The following PORCN variants were observed in gnomAD, a reference collection of about 807,000 sequenced individuals.
PORCN encodes protein-serine O-palmitoleoyltransferase porcupine.
A neutral mutation model predicts 43.0 loss-of-function variants in PORCN; 1 was observed. The ratio of observed to expected loss-of-function variants is 0.02; its 90% CI spans 0.01 to 0.11. The LOEUF (loss-of-function observed/expected upper bound fraction) is 0.11, where lower values mean the gene tolerates loss of function less well. Among genes scored for constraint, PORCN ranks in the 10% least tolerant of loss-of-function variants. The pLI is 1.00. For synonymous variants in PORCN, 148 were observed against 166.4 expected, an observed-to-expected ratio of 0.89 and a Z score of 0.85; for missense variants, 240 against 392.1, an observed-to-expected ratio of 0.61 and a Z score of 3.28.
intron 13 of PORCN, 88 bp downstream of exon 13, chrX:48,516,234 C>T (rs2061716497): frequency 1.1e-6 from 1 of 886,072 alleles, no homozygotes; most frequent in East Asian, 3.3e-5. Context: ...TCTCAGGGTG[C>T]CCACCTTCTT....
intron 7 of PORCN, 89 bp downstream of exon 7, chrX:48,512,941 T>C (rs1267670656): frequency 2.7e-6 from 3 of 1,100,090 alleles, no homozygotes; most frequent in Middle Eastern, 2.5e-4. Flanking sequence ...TGTGTCCAAG[T>C]GTGTCTGACC....
At position 48,520,575 on chromosome X, in the gene PORCN, C is replaced by T. The variant is rs1456571147; in HGVS notation, c.*99C>T. On this transcript the variant is annotated 3_prime_UTR_variant, in exon 15 of 15. Coordinates refer to ENST00000326194, the MANE Select transcript of PORCN (RefSeq NM_203475.3). Reference sequence around the variant, plus strand: ...CCTCTCTCTACTCCTTGACCCCCTCCATCCTTGACCCCCAACACCTCAACA... The same window carrying T: ...CCTCTCTCTACTCCTTGACCCCCTCTATCCTTGACCCCCAACACCTCAACA... 4 of 573,120 alleles carry T rather than the reference C, an allele frequency of 7.0e-6. No homozygotes were observed. The African/African-American group carries it at 9.1e-5, about 13-fold the overall frequency. The allele number at this position is 573,120 out of a possible 1,213,427, so 47.2% of individuals were successfully genotyped here. A position where few individuals can be genotyped will look rare whatever the true frequency, so the allele number is the denominator to read the frequency against.
At position 48,512,502 on chromosome X, in the gene PORCN, C is replaced by G; in HGVS notation, c.550C>G (p.Pro184Ala). The G allele has an allele frequency of 8.3e-7, 1 of 1,206,779 alleles. No individual in the cohort carries two copies. The highest frequency in any genetic ancestry group is 1.1e-6 in the Non-Finnish European group (1 of 892,934). The change falls in exon 5 of 15, where the codon CCA becomes GCA. Residue 184 changes from proline to alanine, a missense_variant. Transcript: ENST00000326194. ...CTACCTACAAGCTGTCCAAGGCCGCCCACTGGTGAGGTCCTGAGTGGATGG... is the reference window on the plus strand; with the variant it reads ...CTACCTACAAGCTGTCCAAGGCCGCGCACTGGTGAGGTCCTGAGTGGATGG... ...HSYLQAVQGR[P>A]LSCRWLQKVA...
At position 48,517,311 on chromosome X, in the gene PORCN, G is replaced by T; in HGVS notation, c.1284+18G>T. ...AGGAGCAGGTGAGGTGGGGCCCTGG[G>T]CTGTGTGGTTAACCAAGGGTGGCGC... On this transcript the variant is annotated intron_variant, in intron 14 of 14. Transcript: ENST00000326194. 9.2e-7 allele frequency: 1 copy of T among 1,084,081 alleles called. No individual in the cohort carries two copies. The allele number at this position is 1,084,081 out of a possible 1,213,427, so 89.3% of individuals were successfully genotyped here.
intron 1 of PORCN, chrX:48,509,564 C>T (rs1556973411): frequency 9.1e-7 from 1 of 1,098,864 alleles, no homozygotes; most frequent in East Asian, 3.9e-5. Context: ...TTCATTCACT[C>T]CAGGTCACAG....
chrX:48,514,266 T>C lies in PORCN; in HGVS notation c.746T>C (p.Val249Ala). 8.3e-7 allele frequency: 1 copy of C among 1,211,868 alleles called. No homozygotes were observed. The highest frequency in any genetic ancestry group is 3.0e-5 in the East Asian group (1 of 33,832). ...VRWLRAYESA[V>A]SFHFSNYFVG... ...TGGCTGCGAGCCTACGAGAGTGCTG[T>C]CTCCTTCCACTTCAGCAACTATTTT... Residue 249 changes from valine to alanine, a missense_variant, in exon 9 of 15, where the codon GTC (valine) becomes GCC (alanine). Physicochemically the swap from Val to Ala is moderately conservative, Grantham distance 64. Transcript: ENST00000326194.
At position 48,509,512 on chromosome X, in the gene PORCN, C is replaced by T. The variant is rs1556973382; in HGVS notation, c.-37-272C>T. 2.3e-5 allele frequency: 24 copies of T among 1,024,610 alleles called. No homozygotes were observed. In the South Asian group the frequency reaches 4.7e-4, roughly 20 times the overall value. The allele number at this position is 1,024,610 out of a possible 1,213,427, so 84.4% of individuals were successfully genotyped here. Reference sequence around the variant, plus strand: ...CCTGAAATGTATGCCATCCCATCACCATCGGACTGGACTGTTCACAGCACT... The same window carrying T: ...CCTGAAATGTATGCCATCCCATCACTATCGGACTGGACTGTTCACAGCACT... On this transcript the variant is annotated intron_variant, in intron 1 of 14. Transcript: ENST00000326194.
intron 14 of PORCN, 52 bp downstream of exon 14, chrX:48,517,345 G>A (rs782409931): frequency 1.4e-4 from 125 of 890,064 alleles, no homozygotes; most frequent in South Asian, 5.3e-4. Context: ...GCTATCTGGC[G>A]GGGGGAAACC....
At chrX:48,519,379 G>A (rs190968081) in intron 14 of PORCN, among the ~76,000 whole-genome samples, 5 of 112,646 alleles carry the variant, frequency 4.4e-5, no homozygotes. Flanking sequence ...GAATGATACT[G>A]TTCTGCAATT....
intron 13 of PORCN, 114 bp from the exon 14 acceptor site, chrX:48,517,069 C>T (rs12848026): frequency 3.0e-5 from 17 of 566,253 alleles, no homozygotes; most frequent in Non-Finnish European, 4.8e-5. Context: ...CCCTGGGCAT[C>T]CTCAGTCCTG....
At chrX:48,509,736 AGGTCTGCCCCAC>A (rs1556973454) in intron 1 of PORCN, 36 bp from the exon 2 acceptor site, 1 of 1,178,008 alleles carries the variant, frequency 8.5e-7, no homozygotes, top group Non-Finnish European at 1.1e-6. Flanking sequence ...CCTTTAAGCG[AGGTCTGCCCCAC>A]GGACACCCGC....
Position 48,512,605 on chromosome X carries a change from A to G in PORCN, c.572A>G (p.Gln191Arg). ...TCCCTACAGAGCTGCCGGTGGCTGC[A>G]GAAGGTGGCCCGGAGCCTGGCACTG... is the stretch of plus-strand genomic sequence containing the variant. ...QGRPLSCRWL[Q>R]KVARSLALAL... The change falls in exon 6 of 15, where the codon CAG becomes CGG. Residue 191 changes from glutamine to arginine, a missense_variant. By Grantham distance (43) the Gln-to-Arg change is conservative. Transcript: ENST00000326194. 8.3e-7 allele frequency: 1 copy of G among 1,211,134 alleles called. No individual in the cohort carries two copies. Among genetic ancestry groups the G allele is most frequent in the East Asian group, 3.0e-5 (1 of 33,803 alleles).
intron 7 of PORCN, among the ~76,000 whole-genome samples, chrX:48,513,212 G>A (rs2147126282): frequency 8.9e-6 from 1 of 112,971 alleles, no homozygotes; most frequent in Admixed American, 9.3e-5. Context: ...ACCCCCGAAT[G>A]TAAGCCTGTG....
intron 13 of PORCN, among the ~76,000 whole-genome samples, chrX:48,516,811 A>T (rs1556975463): frequency 9.1e-6 from 1 of 110,126 alleles, no homozygotes; most frequent in African/African-American, 3.3e-5. Context: ...CATGGTGGGG[A>T]TTTGGTTTTG....
intron 2 of PORCN, 91 bp from the exon 3 acceptor site, chrX:48,511,192 TTCTCCCTCTCTC>T: frequency 3.0e-6 from 2 of 665,530 alleles, no homozygotes; most frequent in South Asian, 4.6e-5. Flanking sequence ...CTCTTTCTTG[TTCTCCCTCTCTC>T]TCTCCCTCCC....
intron 13 of PORCN, 51 bp from the exon 14 acceptor site, chrX:48,517,132 G>A (rs2061723732): frequency 1.0e-6 from 1 of 984,661 alleles, no homozygotes; most frequent in Non-Finnish European, 1.4e-6. Context: ...GGAGGAGGTG[G>A]GACACAGTGA....
In PORCN at chrX:48,520,414, C is replaced by T; in HGVS notation, c.1324C>T (p.Leu442Phe). The stretch of plus-strand genomic sequence containing the variant: ...ATACACTGTCCACAAGTGGTCAGAG[C>T]TCAGCTGGGCCAGTCACTGGGTCAC... ...MAYTVHKWSELSWASHWVTFG... is the reference protein window; with the variant it reads ...MAYTVHKWSEFSWASHWVTFG... The change falls in exon 15 of 15, where the codon CTC becomes TTC. Residue 442 changes from leucine to phenylalanine, a missense_variant. Transcript: ENST00000326194. 8.3e-7 allele frequency: 1 copy of T among 1,210,638 alleles called. No homozygotes were observed. The highest frequency in any genetic ancestry group is 1.1e-6 in the Non-Finnish European group (1 of 894,621).
intron 9 of PORCN, 80 bp downstream of exon 9, chrX:48,514,445 G>C: frequency 8.4e-7 from 1 of 1,186,976 alleles, no homozygotes; most frequent in Non-Finnish European, 1.1e-6. Context: ...GCTCCCAGGG[G>C]AGGGAACGGC....
Position 48,520,392 on chromosome X carries a change from C to T in PORCN, c.1302C>T (p.Tyr434=), listed in dbSNP as rs1556976199. 3.3e-6 allele frequency: 4 copies of T among 1,208,124 alleles called. No individual in the cohort carries two copies. The African/African-American group carries it at 6.9e-5, about 21-fold the overall frequency. ...TTEEQGYGMA[Y]TVHKWSELSW... is the part of the protein sequence containing the mutation. ...TCCCACAGGGCTACGGCATGGCATA[C>T]ACTGTCCACAAGTGGTCAGAGCTCA... The change falls in exon 15 of 15, where the codon TAC becomes TAT. Residue 434 remains tyrosine, a synonymous_variant. Coordinates refer to ENST00000326194, the MANE Select transcript of PORCN (RefSeq NM_203475.3).
Sources: allele counts gnomAD v4.1 joint callset (sites outside exome capture counted in the v4.1 genomes callset), GRCh38; gene constraint gnomAD v4.1.1; transcripts MANE v1.5; gene names NCBI Gene and HGNC (gene_info 2026-07-23, HGNC 2026-07-21).